Variants in GEN1 observed in about 807,000 individuals in gnomAD.
GEN1 encodes the protein GEN1 structure-specific endonuclease.
Under a neutral mutation model 67.6 loss-of-function variants are expected in GEN1, and 64 were observed. That is an observed-to-expected ratio of 0.95 (90% confidence interval 0.77 to 1.17). The LOEUF is 1.17. GEN1 is among the 50% of genes most tolerant of loss of function. The pLI, the probability that GEN1 is intolerant of heterozygous loss-of-function variation, is 0.00. For synonymous variants in GEN1, 371 were observed against 359.4 expected (o/e 1.03, Z -0.37); for missense variants, 1,058 against 1,048.3 (o/e 1.01, Z -0.13).
chr2:17,776,115 C>CAAAA (rs34705905), intron 11 of GEN1, among the ~76,000 whole-genome samples: 3 of 80,688 alleles, frequency 3.7e-5, no homozygotes, highest in Non-Finnish European at 5.0e-5. Context: ...GACCCTGTCT[C>CAAAA]AAAAAAAAAA....
Position 17,778,295 on chromosome 2 carries a change from TGTGTACATATATGTATATACACACACAC to T in GEN1, c.1264+250_1264+277del, listed in dbSNP as rs70964008. Among the ~76,000 whole-genome samples, 15 of 126,740 alleles carry T rather than the reference TGTGTACATATATGTATATACACACACAC, an allele frequency of 1.2e-4. 4 individuals are homozygous for T. Among genetic ancestry groups the T allele is most frequent in the African/African-American group, 4.2e-4 (13 of 31,180 alleles). The allele number at this position is 126,740 out of a possible 152,430, so 83.1% of individuals were successfully genotyped here. On this transcript the variant is annotated intron_variant, in intron 12 of 13. Transcript: ENST00000381254. Reference sequence around the variant, plus strand: ...ATATATGTATATACACACACATGTGTGTGTACATATATGTATATACACACACACGTGTACATATATGTATACACACACA... The same window carrying T: ...ATATATGTATATACACACACATGTGTGTGTACATATATGTATACACACACA...
rs1462801354 is a variant in GEN1, at chr2:17,781,462, C to T, written c.2250C>T (p.Val750=). The T allele has an allele frequency of 1.2e-6, 2 of 1,613,434 alleles. No individual in the cohort carries two copies. The highest frequency in any genetic ancestry group is 3.3e-5 in the Admixed American group (2 of 60,028). Residue 750 remains valine (V), a synonymous_variant, in exon 14 of 14, where the codon GTC becomes GTT. Transcript: ENST00000381254. ...AGCTGCTTCAAGAAGACTATAAAGT[C>T]AATACTTCTGTCCCTTATTCTGTCA... ...GDQLLQEDYK[V]NTSVPYSVSN...
At position 17,773,301 on chromosome 2, in the gene GEN1, T is replaced by A. The variant is rs1270771081; in HGVS notation, c.1071+2T>A. 3 of 1,541,650 alleles carry A rather than the reference T, an allele frequency of 1.9e-6. No individual in the cohort carries two copies. Among genetic ancestry groups the A allele is most frequent in the Non-Finnish European group, 2.7e-6 (3 of 1,123,736 alleles). The stretch of plus-strand genomic sequence containing the variant: ...AGACCTGATTTGTTATTGTTTCAGG[T>A]ATCTGAAAATAAATTCTTCTTTACT... On this transcript the variant is annotated splice_donor_variant, in intron 10 of 13. Coordinates refer to ENST00000381254, the MANE Select transcript of GEN1 (RefSeq NM_001130009.3). LOFTEE classifies it high-confidence loss of function.
chr2:17,779,203 G>A (rs866407728), intron 12 of GEN1, among the ~76,000 whole-genome samples: 3 of 152,286 alleles, frequency 2.0e-5, no homozygotes, highest in Middle Eastern at 3.4e-3. Flanking sequence ...GATTACAGGC[G>A]TGAGCCACTG....
intron 1 of GEN1, among the ~76,000 whole-genome samples, chr2:17,756,502 AC>A (rs140964404): frequency 0.14 from 20,874 of 152,150 alleles, 1,733 homozygotes; most frequent in African/African-American, 0.24. Flanking sequence ...ACCAAATCCC[AC>A]ACCAAAAAAA....
rs1290292927 is a variant in GEN1 at position 17,780,828 on chromosome 2, A to C, written c.1616A>C (p.Asn539Thr). 6.2e-7 allele frequency: 1 copy of C among 1,613,936 alleles called. No homozygotes were observed. Among genetic ancestry groups the C allele is most frequent in the Non-Finnish European group, 8.5e-7 (1 of 1,179,868 alleles). ...LLLPKNTPCL[N>T]AQEQFMSSLR... ...TTACCTAAAAATACTCCATGTTTGA[A>C]TGCACAAGAACAGTTCATGTCTTCT... is the stretch of plus-strand genomic sequence containing the variant. Residue 539 changes from asparagine to threonine, a missense_variant, in exon 14 of 14, where the codon AAT (asparagine) becomes ACT (threonine). By Grantham distance (65) the Asn-to-Thr change is moderately conservative. Transcript: ENST00000381254.
chr2:17,777,940 G>A (rs763018734), intron 11 of GEN1, 62 bp from the exon 12 acceptor site: 11 of 946,892 alleles, frequency 1.2e-5, no homozygotes, highest in Admixed American at 7.3e-5. Flanking sequence ...ATTCAGGTTA[G>A]AAATGGAAAA....
chr2:17,766,909 TG>T (rs1671962391), intron 5 of GEN1, among the ~76,000 whole-genome samples: 1 of 152,242 alleles, frequency 6.6e-6, no homozygotes, highest in Non-Finnish European at 1.5e-5. Flanking sequence ...AATAGAATAA[TG>T]TAGTACCACA....
intron 5 of GEN1, among the ~76,000 whole-genome samples, 197 bp downstream of exon 5, chr2:17,766,886 T>C (rs975048796): frequency 3.3e-5 from 5 of 152,262 alleles, no homozygotes; most frequent in Non-Finnish European, 7.3e-5. Context: ...TGACACTTAA[T>C]ATTATAAGCA....
chr2:17,753,755 C>G (rs966499020), upstream of GEN1: 1 of 152,390 alleles, frequency 6.6e-6, no homozygotes, highest in African/African-American at 2.4e-5. Context: ...AACCGCGTGC[C>G]GGCCGCAGGA....
At position 17,774,302 on chromosome 2, in the gene GEN1, A is replaced by G. The variant is rs375343371; in HGVS notation, c.1103A>G (p.Asn368Ser). ...ACTCTTGAAAAAATGGAGTGGCCCA[A>G]TCACTATGCATGTGAGAAATTGCTG... ...RFTLEKMEWP[N>S]HYACEKLLVL... The change falls in exon 11 of 14, where the codon AAT becomes AGT. Residue 368 changes from asparagine to serine, a missense_variant. By Grantham distance (46) the Asn-to-Ser change is conservative. Transcript: ENST00000381254. 1.0e-5 allele frequency: 16 copies of G among 1,586,704 alleles called. No individual in the cohort carries two copies. The highest frequency in any genetic ancestry group is 5.4e-5 in the African/African-American group (4 of 74,246).
At chr2:17,769,270 G>T (rs1672075954) in intron 6 of GEN1, among the ~76,000 whole-genome samples, 1 of 150,584 alleles carries the variant, frequency 6.6e-6, no homozygotes, top group Non-Finnish European at 1.5e-5. Flanking sequence ...TAGAGATAGG[G>T]TCTCCCTATG....
chr2:17,753,991 G>A (rs1012004365), upstream of GEN1: 1 of 152,368 alleles, frequency 6.6e-6, no homozygotes, highest in African/African-American at 2.4e-5. Flanking sequence ...CTAAGTAAAA[G>A]GGAAAGATAA....
In GEN1 at chr2:17,788,447, G is replaced by C. The variant is rs1196135758; in HGVS notation, c.*6508G>C. The C allele has an allele frequency of 6.6e-6, 1 of 152,250 alleles. No homozygotes were observed. Among genetic ancestry groups the C allele is most frequent in the Non-Finnish European group, 1.5e-5 (1 of 68,048 alleles). 9.4% of individuals were successfully genotyped at this position (152,250 alleles called of 1,614,324 possible). A position where few individuals can be genotyped will look rare whatever the true frequency, so the allele number is the denominator to read the frequency against. ...GTTGCCTGTTTGGCAATGGAGGGCA[G>C]AGTTATCAGCAAAGTAGGCTGACCC... On this transcript the variant is annotated 3_prime_UTR_variant, in exon 14 of 14. Transcript: ENST00000381254.
At chr2:17,778,701 G>T (rs192764099) in intron 12 of GEN1, among the ~76,000 whole-genome samples, 235 of 151,428 alleles carry the variant, frequency 1.6e-3, no homozygotes, top group African/African-American at 5.3e-3. Context: ...CAAATGCTGT[G>T]GTCATTCAAT....
chr2:17,781,126 G>T lies in GEN1; in HGVS notation c.1914G>T (p.Arg638Ser). 1 of 1,613,892 alleles carries T rather than the reference G, an allele frequency of 6.2e-7. No individual in the cohort carries two copies. The highest frequency in any genetic ancestry group is 8.5e-7 in the Non-Finnish European group (1 of 1,179,834). The part of the protein sequence containing the change: ...IPEQLSCESE[R>S]YTANIKKVLD... ...AACAACTGTCCTGTGAATCAGAAAGGTACACTGCAAACATAAAGAAAGTGT... is the reference window on the plus strand; with the variant it reads ...AACAACTGTCCTGTGAATCAGAAAGTTACACTGCAAACATAAAGAAAGTGT... The change falls in exon 14 of 14, where the codon AGG becomes AGT. Residue 638 changes from arginine (R) to serine (S), a missense_variant. Arg to Ser is a moderately radical substitution (Grantham distance 110). Coordinates refer to ENST00000381254, the MANE Select transcript of GEN1 (RefSeq NM_001130009.3).
At chr2:17,761,022 G>A (rs947816512) in intron 2 of GEN1, among the ~76,000 whole-genome samples, 4 of 151,920 alleles carry the variant, frequency 2.6e-5, no homozygotes, top group African/African-American at 9.7e-5. Context: ...TTTGAGCTCA[G>A]GAGTTCAAGA....
At position 17,764,853 on chromosome 2, in the gene GEN1, G is replaced by A. The variant is rs768805768; in HGVS notation, c.349-44G>A. 8.3e-6 allele frequency: 13 copies of A among 1,556,948 alleles called. No individual in the cohort carries two copies. In the South Asian group the frequency reaches 1.5e-4, roughly 18 times the overall value. ...AGGTTTAATAGTAAATAAATGAGCA[G>A]TGAAAACATTCTTTAACATCTTGCA... On this transcript the variant is annotated intron_variant, in intron 3 of 13. Transcript: ENST00000381254.
At chr2:17,764,319 G>A (rs568378846) in intron 3 of GEN1, among the ~76,000 whole-genome samples, 2 of 152,278 alleles carry the variant, frequency 1.3e-5, no homozygotes, top group African/African-American at 2.4e-5. Flanking sequence ...GGAAGTACGC[G>A]TATTGGGTTG....
Sources: gnomAD v4.1 joint callset for allele counts (sites outside exome capture counted in the v4.1 genomes callset) on GRCh38, gnomAD v4.1.1 for gene constraint, MANE v1.5 for transcripts, NCBI Gene and HGNC (gene_info 2026-07-23, HGNC 2026-07-21) for gene names.